The following PRR9 variants were observed in gnomAD, a reference collection of about 807,000 sequenced individuals.
PRR9 encodes proline-rich protein 9.
A neutral mutation model predicts 2.6 loss-of-function variants in PRR9; 3 were observed. The ratio of observed to expected loss-of-function variants is 1.15; its 90% CI spans 0.53 to 2.98. PRR9 has a LOEUF of 2.98. Among genes scored for constraint, PRR9 ranks in the 30% most tolerant of loss-of-function variants. The probability of loss-of-function intolerance (pLI) is 0.03; values close to 1 mark genes in which losing one functional copy is unlikely to be tolerated. For missense variants in PRR9, 141 were observed against 132.0 expected, an observed-to-expected ratio of 1.07 and a Z score of -0.33; for synonymous variants, 48 against 50.4, an observed-to-expected ratio of 0.95 and a Z score of 0.20.
Position 153,218,288 on chromosome 1 carries a change from G to A in PRR9, c.144G>A (p.Gln48=). Reference sequence around the variant, plus strand: ...CCTGCCAAGATAAGTGTCTAGTGCAGGCCCAGGAGGTATGTCTTTCTCAGT... The same window carrying A: ...CCTGCCAAGATAAGTGTCTAGTGCAAGCCCAGGAGGTATGTCTTTCTCAGT... The part of the protein sequence containing the change: ...QHPCQDKCLV[Q]AQEVCLSQCQ... The change falls in exon 2 of 2, where the codon CAG becomes CAA. Residue 48 remains glutamine (Q), a synonymous_variant. Coordinates refer to ENST00000368744, the MANE Select transcript of PRR9 (RefSeq NM_001195571.2). 6.4e-7 allele frequency: 1 copy of A among 1,550,566 alleles called. No homozygotes were observed. The highest frequency in any genetic ancestry group is 8.7e-7 in the Non-Finnish European group (1 of 1,146,990).
chr1:153,218,527 G>A lies in PRR9; in HGVS notation c.*32G>A. On this transcript the variant is annotated 3_prime_UTR_variant, in exon 2 of 2. Coordinates refer to ENST00000368744, the MANE Select transcript of PRR9 (RefSeq NM_001195571.2). ...ATATGTCATCTGGGTTCAAGAAGAT[G>A]GCCAGCAGATGAAACCCTGACCCCA... is the stretch of plus-strand genomic sequence containing the variant. 6.7e-7 allele frequency: 1 copy of A among 1,495,154 alleles called. No homozygotes were observed. The highest frequency in any genetic ancestry group is 9.1e-7 in the Non-Finnish European group (1 of 1,104,072). The allele number at this position is 1,495,154 out of a possible 1,614,324, so 92.6% of individuals were successfully genotyped here. A position where few individuals can be genotyped will look rare whatever the true frequency, so the allele number is the denominator to read the frequency against.
rs558963730 is a variant in PRR9, at chr1:153,218,574, T to C, written c.*79T>C. 65 of 1,017,434 alleles carry C rather than the reference T, an allele frequency of 6.4e-5. No homozygotes were observed. The highest frequency in any genetic ancestry group is 2.1e-4 in the East Asian group (8 of 38,278). 63.0% of individuals were successfully genotyped at this position (1,017,434 alleles called of 1,614,324 possible). ...CCCAGCCCACGCTCTGGTGACCTTC[T>C]TCTGTGGGTACCTCTGTGTGCAATG... On this transcript the variant is annotated 3_prime_UTR_variant, in exon 2 of 2. Coordinates refer to ENST00000368744, the MANE Select transcript of PRR9 (RefSeq NM_001195571.2).
rs762413140 is a variant in PRR9 at position 153,218,144 on chromosome 1, G to A, written c.-1G>A. 1.3e-6 allele frequency: 2 copies of A among 1,539,896 alleles called. No homozygotes were observed. Among genetic ancestry groups the A allele is most frequent in the South Asian group, 2.4e-5 (2 of 82,690 alleles). On this transcript the variant is annotated 5_prime_UTR_variant, in exon 2 of 2. Transcript: ENST00000368744. Reference sequence around the variant, plus strand: ...TTTCAGGCTCTGCAAATCACCCTAGGATGTCCTTCAGTGAGCAGCAGTGCA... The same window carrying A: ...TTTCAGGCTCTGCAAATCACCCTAGAATGTCCTTCAGTGAGCAGCAGTGCA...
At position 153,218,549 on chromosome 1, in the gene PRR9, C is replaced by CA; in HGVS notation, c.*54_*55insA. 1 of 1,327,240 alleles carries CA rather than the reference C, an allele frequency of 7.5e-7. No individual in the cohort carries two copies. The highest frequency in any genetic ancestry group is 1.4e-5 in the South Asian group (1 of 71,968). The allele number at this position is 1,327,240 out of a possible 1,614,324, so 82.2% of individuals were successfully genotyped here. A position where few individuals can be genotyped will look rare whatever the true frequency, so the allele number is the denominator to read the frequency against. Reference sequence around the variant, plus strand: ...GATGGCCAGCAGATGAAACCCTGACCCCAGCCCACGCTCTGGTGACCTTCT... The same window carrying CA: ...GATGGCCAGCAGATGAAACCCTGACCACCAGCCCACGCTCTGGTGACCTTCT... On this transcript the variant is annotated 3_prime_UTR_variant, in exon 2 of 2. Coordinates refer to ENST00000368744, the MANE Select transcript of PRR9 (RefSeq NM_001195571.2).
Position 153,218,293 on chromosome 1 carries a change from A to G in PRR9, c.149A>G (p.Gln50Arg), listed in dbSNP as rs1280606411. The change falls in exon 2 of 2, where the codon CAG becomes CGG. Residue 50 changes from glutamine (Q) to arginine (R), a missense_variant. Physicochemically the swap from Gln to Arg is conservative, Grantham distance 43 (BLOSUM62 1). Coordinates refer to ENST00000368744, the MANE Select transcript of PRR9 (RefSeq NM_001195571.2). ...CAAGATAAGTGTCTAGTGCAGGCCC[A>G]GGAGGTATGTCTTTCTCAGTGCCAG... ...PCQDKCLVQA[Q>R]EVCLSQCQES... is the part of the protein sequence containing the mutation. The G allele has an allele frequency of 6.4e-7, 1 of 1,550,622 alleles. No individual in the cohort carries two copies.
At position 153,218,923 on chromosome 1, in the gene PRR9, T is replaced by TCCACCACCACCA. The variant is rs933307655; in HGVS notation, c.*436_*447dup. The TCCACCACCACCA allele has an allele frequency of 5.7e-6, 1 of 176,252 alleles. No homozygotes were observed. The highest frequency in any genetic ancestry group is 6.1e-5 in the Admixed American group (1 of 16,330). 10.9% of individuals were successfully genotyped at this position (176,252 alleles called of 1,614,324 possible). ...TCCACTTATCACCACCACCACCACC[T>TCCACCACCACCA]CCACCACCACCACCACCACAGGTGT... On this transcript the variant is annotated 3_prime_UTR_variant, in exon 2 of 2. Coordinates refer to ENST00000368744, the MANE Select transcript of PRR9 (RefSeq NM_001195571.2).
rs1657971761 is a variant in PRR9, at chr1:153,218,451, C to T, written c.307C>T (p.Gln103Ter). The change falls in exon 2 of 2, where the codon CAG (glutamine) becomes TAG (stop). Residue 103 changes from glutamine to a stop codon, truncating the protein, a stop_gained. Transcript: ENST00000368744. LOFTEE classifies it high-confidence loss of function. ...GACAAAATGTGTGGAGGTTTGCCCA[C>T]AGAAAGTCCAGGAGAAGTGCTCATC... ...FQTKCVEVCP[Q>*]KVQEKCSSPG... 2 of 1,550,580 alleles carry T rather than the reference C, an allele frequency of 1.3e-6. No homozygotes were observed. Among genetic ancestry groups the T allele is most frequent in the Non-Finnish European group, 1.7e-6 (2 of 1,146,986 alleles).
In PRR9 at chr1:153,218,846, G is replaced by T; in HGVS notation, c.*351G>T. The T allele has an allele frequency of 4.7e-6, 1 of 211,108 alleles. No individual in the cohort carries two copies. The highest frequency in any genetic ancestry group is 1.2e-4 in the South Asian group (1 of 8,188). 13.1% of individuals were successfully genotyped at this position (211,108 alleles called of 1,614,324 possible). The stretch of plus-strand genomic sequence containing the variant: ...CAAGGATACCTTCATTCATCTTTCA[G>T]AGTTTCAGGCTCTCAAATAAGCCTC... On this transcript the variant is annotated 3_prime_UTR_variant, in exon 2 of 2. Transcript: ENST00000368744.
At position 153,218,994 on chromosome 1, in the gene PRR9, A is replaced by AT. The variant is rs1282169728; in HGVS notation, c.*503dup. The AT allele has an allele frequency of 2.4e-5, 4 of 169,766 alleles. No homozygotes were observed. The highest frequency in any genetic ancestry group is 4.3e-5 in the Non-Finnish European group (3 of 69,586). The allele number at this position is 169,766 out of a possible 1,614,324, so 10.5% of individuals were successfully genotyped here. On this transcript the variant is annotated 3_prime_UTR_variant, in exon 2 of 2. Transcript: ENST00000368744. ...TGTTTCAAAAATCAAAAATTTGGTG[A>AT]TTTTGTCTCTGTACACTAAAAAGAA...
Position 153,218,499 on chromosome 1 carries a change from C to G in PRR9, c.*4C>G. On this transcript the variant is annotated 3_prime_UTR_variant, in exon 2 of 2. Transcript: ENST00000368744. ...ATCCCCTGGCAAGGGAAAGTAGCTGCTCATATGTCATCTGGGTTCAAGAAG... is the reference window on the plus strand; with the variant it reads ...ATCCCCTGGCAAGGGAAAGTAGCTGGTCATATGTCATCTGGGTTCAAGAAG... 6.5e-7 allele frequency: 1 copy of G among 1,543,552 alleles called. No homozygotes were observed. The highest frequency in any genetic ancestry group is 8.8e-7 in the Non-Finnish European group (1 of 1,141,782).
rs1657976072 is a variant in PRR9, at chr1:153,218,621, C to A, written c.*126C>A. 11 of 662,468 alleles carry A rather than the reference C, an allele frequency of 1.7e-5. No homozygotes were observed. Among genetic ancestry groups the A allele is most frequent in the Non-Finnish European group, 2.4e-5 (9 of 379,490 alleles). The allele number at this position is 662,468 out of a possible 1,614,324, so 41.0% of individuals were successfully genotyped here. ...AATGTACCTTCTTGCCTCCTGGCTT[C>A]CTTAGCATTCCAGGACTTGGTCTGT... On this transcript the variant is annotated 3_prime_UTR_variant, in exon 2 of 2. Coordinates refer to ENST00000368744, the MANE Select transcript of PRR9 (RefSeq NM_001195571.2).
At position 153,218,565 on chromosome 1, in the gene PRR9, G is replaced by C; in HGVS notation, c.*70G>C. ...AACCCTGACCCCAGCCCACGCTCTGGTGACCTTCTTCTGTGGGTACCTCTG... is the reference window on the plus strand; with the variant it reads ...AACCCTGACCCCAGCCCACGCTCTGCTGACCTTCTTCTGTGGGTACCTCTG... On this transcript the variant is annotated 3_prime_UTR_variant, in exon 2 of 2. Coordinates refer to ENST00000368744, the MANE Select transcript of PRR9 (RefSeq NM_001195571.2). 8.6e-7 allele frequency: 1 copy of C among 1,158,564 alleles called. No homozygotes were observed. 71.8% of individuals were successfully genotyped at this position (1,158,564 alleles called of 1,614,324 possible).
At position 153,218,177 on chromosome 1, in the gene PRR9, A is replaced by G. The variant is rs1385672069; in HGVS notation, c.33A>G (p.Pro11=). MSFSEQQCKQ[P]CVPPPCLPKT... ...TCAGTGAGCAGCAGTGCAAGCAGCCATGTGTGCCCCCTCCATGCCTCCCAA... is the reference window on the plus strand; with the variant it reads ...TCAGTGAGCAGCAGTGCAAGCAGCCGTGTGTGCCCCCTCCATGCCTCCCAA... The change falls in exon 2 of 2, where the codon CCA becomes CCG. Residue 11 remains proline, a synonymous_variant. Transcript: ENST00000368744. 4.5e-6 allele frequency: 7 copies of G among 1,550,298 alleles called. No homozygotes were observed. The highest frequency in any genetic ancestry group is 6.1e-6 in the Non-Finnish European group (7 of 1,146,716).
In PRR9 at chr1:153,218,507, TC is replaced by T; in HGVS notation, c.*13del. The T allele has an allele frequency of 6.5e-7, 1 of 1,532,666 alleles. No homozygotes were observed. The highest frequency in any genetic ancestry group is 8.8e-7 in the Non-Finnish European group (1 of 1,133,672). 94.9% of individuals were successfully genotyped at this position (1,532,666 alleles called of 1,614,324 possible). A position where few individuals can be genotyped will look rare whatever the true frequency, so the allele number is the denominator to read the frequency against. On this transcript the variant is annotated 3_prime_UTR_variant, in exon 2 of 2. Transcript: ENST00000368744. Reference sequence around the variant, plus strand: ...GCAAGGGAAAGTAGCTGCTCATATGTCATCTGGGTTCAAGAAGATGGCCAGC... The same window carrying T: ...GCAAGGGAAAGTAGCTGCTCATATGTATCTGGGTTCAAGAAGATGGCCAGC...
intron 1 of PRR9, 96 bp from the exon 2 acceptor site, chr1:153,218,029 C>A: frequency 1.3e-6 from 1 of 784,112 alleles, no homozygotes; most frequent in Non-Finnish European, 2.0e-6. Flanking sequence ...TTAGTTCTTC[C>A]ATCCACTCCT....
Position 153,218,502 on chromosome 1 carries a change from A to G in PRR9, c.*7A>G, listed in dbSNP as rs1332489528. 2 of 1,542,444 alleles carry G rather than the reference A, an allele frequency of 1.3e-6. No individual in the cohort carries two copies. The highest frequency in any genetic ancestry group is 2.4e-5 in the South Asian group (2 of 83,456). On this transcript the variant is annotated 3_prime_UTR_variant, in exon 2 of 2. Coordinates refer to ENST00000368744, the MANE Select transcript of PRR9 (RefSeq NM_001195571.2). Reference sequence around the variant, plus strand: ...CCCTGGCAAGGGAAAGTAGCTGCTCATATGTCATCTGGGTTCAAGAAGATG... The same window carrying G: ...CCCTGGCAAGGGAAAGTAGCTGCTCGTATGTCATCTGGGTTCAAGAAGATG...
chr1:153,218,878 A>T lies in PRR9; in HGVS notation c.*383A>T. On this transcript the variant is annotated 3_prime_UTR_variant, in exon 2 of 2. Transcript: ENST00000368744. The stretch of plus-strand genomic sequence containing the variant: ...AGGCTCTCAAATAAGCCTCAAAACA[A>T]ACTGAATTCTGATGGACTTTCCACT... The T allele has an allele frequency of 5.1e-6, 1 of 194,498 alleles. No individual in the cohort carries two copies. Among genetic ancestry groups the T allele is most frequent in the South Asian group, 1.3e-4 (1 of 7,498 alleles). 12.0% of individuals were successfully genotyped at this position (194,498 alleles called of 1,614,324 possible). A position where few individuals can be genotyped will look rare whatever the true frequency, so the allele number is the denominator to read the frequency against.
chr1:153,218,578 G>A lies in PRR9; in HGVS notation c.*83G>A, dbSNP rs529811498. 58 of 979,008 alleles carry A rather than the reference G, an allele frequency of 5.9e-5. 1 individual carries two copies. In the South Asian group the frequency reaches 8.8e-4, roughly 15 times the overall value. 60.6% of individuals were successfully genotyped at this position (979,008 alleles called of 1,614,324 possible). A position where few individuals can be genotyped will look rare whatever the true frequency, so the allele number is the denominator to read the frequency against. Reference sequence around the variant, plus strand: ...GCCCACGCTCTGGTGACCTTCTTCTGTGGGTACCTCTGTGTGCAATGTACC... The same window carrying A: ...GCCCACGCTCTGGTGACCTTCTTCTATGGGTACCTCTGTGTGCAATGTACC... On this transcript the variant is annotated 3_prime_UTR_variant, in exon 2 of 2. Coordinates refer to ENST00000368744, the MANE Select transcript of PRR9 (RefSeq NM_001195571.2).
rs1657990821 is a variant in PRR9 at position 153,219,301 on chromosome 1, C to T, written c.*806C>T. 4 of 167,144 alleles carry T rather than the reference C, an allele frequency of 2.4e-5. No individual in the cohort carries two copies. The allele number at this position is 167,144 out of a possible 1,614,324, so 10.4% of individuals were successfully genotyped here. On this transcript the variant is annotated 3_prime_UTR_variant, in exon 2 of 2. Coordinates refer to ENST00000368744, the MANE Select transcript of PRR9 (RefSeq NM_001195571.2). ...GGTAAAATACATAATAAAGCTGATC[C>T]TAAGGCTGATATCTGACTTGACGTG...
Sources: gnomAD v4.1 joint callset for allele counts on GRCh38, gnomAD v4.1.1 for gene constraint, MANE v1.5 for transcripts, NCBI Gene and HGNC (gene_info 2026-07-23, HGNC 2026-07-21) for gene names.